Variants in PLXNA4 observed in about 807,000 individuals in gnomAD.
The protein encoded by PLXNA4 is plexin A4.
In PLXNA4, 44 loss-of-function variants were observed where a neutral mutation model predicts 191.8. The ratio of observed to expected loss-of-function variants is 0.23; its 90% confidence interval spans 0.18 to 0.29. The LOEUF is 0.29. PLXNA4 is among the 10% of genes least tolerant of loss of function. PLXNA4 has a pLI of 1.00. For missense variants in PLXNA4, 1,800 were observed against 2,488.8 expected (o/e 0.72, Z 5.89); for synonymous variants, 1,082 against 1,009.5 (o/e 1.07, Z -1.36).
At chr7:132,497,282 A>G (rs947229464) in intron 2 of PLXNA4, among the ~76,000 whole-genome samples, 1 of 152,242 alleles carries the variant, frequency 6.6e-6, no homozygotes, top group Non-Finnish European at 1.5e-5. Context: ...TGCAGGCTCC[A>G]GTTGTAAAGC....
At chr7:132,642,545 C>A (rs917395783) in intron 2 of PLXNA4, among the ~76,000 whole-genome samples, 1 of 151,794 alleles carries the variant, frequency 6.6e-6, no homozygotes, top group African/African-American at 2.4e-5. Flanking sequence ...GAGAGAGAAA[C>A]TAGGGAGGAG....
chr7:132,186,657 A>C (rs1796887553), intron 15 of PLXNA4, among the ~76,000 whole-genome samples: 1 of 152,226 alleles, frequency 6.6e-6, no homozygotes. Context: ...AAAATTTCTG[A>C]CATAGAAAAA....
chr7:132,543,860 T>C (rs1800182645), intron 1 of PLXNA4, among the ~76,000 whole-genome samples: 1 of 152,198 alleles, frequency 6.6e-6, no homozygotes, highest in Non-Finnish European at 1.5e-5. Context: ...GAGAGTTGAC[T>C]CCTTTTATCA....
chr7:132,148,745 G>A, intron 25 of PLXNA4, 99 bp from the exon 26 acceptor site: 2 of 1,539,400 alleles, frequency 1.3e-6, no homozygotes, highest in Non-Finnish European at 1.8e-6. Context: ...TAGCTCAAGG[G>A]TGTGTCCATT....
chr7:132,630,146 G>T (rs772663463), intron 2 of PLXNA4, among the ~76,000 whole-genome samples: 2 of 152,178 alleles, frequency 1.3e-5, no homozygotes, highest in Middle Eastern at 3.4e-3. Context: ...CACCTCACCC[G>T]GCCTGGTGTC....
chr7:132,620,174 C>T (rs12707049), intron 2 of PLXNA4, among the ~76,000 whole-genome samples: 3 of 151,984 alleles, frequency 2.0e-5, no homozygotes, highest in African/African-American at 7.2e-5. Flanking sequence ...ACCTACCAGT[C>T]TTGAAAGACA....
chr7:132,507,839 C>T lies in PLXNA4; in HGVS notation c.855G>A (p.Lys285=), dbSNP rs1379562128. ...VYTSKLVRLC[K]EDTAFNSYVE... ...CATAGGAGTTGAAGGCTGTGTCCTCCTTGCAAAGCCTCACGAGCTTGGATG... is the reference window on the plus strand; with the variant it reads ...CATAGGAGTTGAAGGCTGTGTCCTCTTTGCAAAGCCTCACGAGCTTGGATG... The change falls in exon 2 of 32, where the codon AAG becomes AAA. Residue 285 remains lysine, a synonymous_variant. Coordinates refer to ENST00000321063, the MANE Select transcript of PLXNA4 (RefSeq NM_020911.2). The T allele has an allele frequency of 6.2e-7, 1 of 1,614,014 alleles. No individual in the cohort carries two copies. Among genetic ancestry groups the T allele is most frequent in the Non-Finnish European group, 8.5e-7 (1 of 1,180,030 alleles).
intron 4 of PLXNA4, chr7:132,271,248 T>C (rs373301889): frequency 1.3e-5 from 2 of 152,060 alleles, no homozygotes; most frequent in Non-Finnish European, 2.9e-5. Context: ...GAAAGAGAAA[T>C]AAAATGTTAT....
chr7:132,203,456 G>T, intron 10 of PLXNA4, 37 bp from the exon 11 acceptor site: 2 of 1,583,100 alleles, frequency 1.3e-6, no homozygotes, highest in Non-Finnish European at 1.7e-6. Context: ...GAAGAAAGTG[G>T]GGTCACAGAG....
At chr7:132,469,082 T>A (rs1262209376) in intron 3 of PLXNA4, among the ~76,000 whole-genome samples, 2 of 117,796 alleles carry the variant, frequency 1.7e-5, no homozygotes, top group African/African-American at 6.9e-5. Context: ...GGGTATCTCG[T>A]AGGGAAACTA....
chr7:132,186,801 T>A (rs1182070943), intron 15 of PLXNA4, among the ~76,000 whole-genome samples: 2 of 152,182 alleles, frequency 1.3e-5, no homozygotes, highest in Non-Finnish European at 2.9e-5. Context: ...GTAACAAAGA[T>A]GATAACAGCC....
intron 1 of PLXNA4, among the ~76,000 whole-genome samples, chr7:132,513,299 G>A (rs1447002484): frequency 6.6e-6 from 1 of 151,910 alleles, no homozygotes; most frequent in Non-Finnish European, 1.5e-5. Flanking sequence ...TTACTTTAGA[G>A]TTTACAAAGT....
intron 2 of PLXNA4, among the ~76,000 whole-genome samples, chr7:132,617,290 G>A (rs1158963001): frequency 6.6e-6 from 1 of 152,148 alleles, no homozygotes; most frequent in Non-Finnish European, 1.5e-5. Context: ...TGGTTTGAGG[G>A]ATGGGGTCAG....
intron 4 of PLXNA4, among the ~76,000 whole-genome samples, chr7:132,276,948 G>A (rs1219069592): frequency 1.3e-5 from 2 of 152,018 alleles, no homozygotes; most frequent in Non-Finnish European, 2.9e-5. Flanking sequence ...GCCCCTAGAT[G>A]GATTCATCGT....
chr7:132,349,157 T>A (rs979326774), intron 3 of PLXNA4, among the ~76,000 whole-genome samples: 9 of 151,990 alleles, frequency 5.9e-5, no homozygotes, highest in South Asian at 2.1e-4. Flanking sequence ...AGATTTTTTT[T>A]AAATAAATAA....
rs1794759466 is a variant in PLXNA4, at chr7:132,126,003, G to A, written c.*4476C>T. Reference sequence around the variant, plus strand: ...CCCTCACTGCTTGGCTGTCTGTGAGGTGGGAGGTTTGTCCTTGACTGATAA... The same window carrying A: ...CCCTCACTGCTTGGCTGTCTGTGAGATGGGAGGTTTGTCCTTGACTGATAA... On this transcript the variant is annotated 3_prime_UTR_variant, in exon 32 of 32. Coordinates refer to ENST00000321063, the MANE Select transcript of PLXNA4 (RefSeq NM_020911.2). 1 of 152,324 alleles carries A rather than the reference G, an allele frequency of 6.6e-6. No individual in the cohort carries two copies. Among genetic ancestry groups the A allele is most frequent in the Admixed American group, 6.5e-5 (1 of 15,284 alleles). The allele number at this position is 152,324 out of a possible 1,614,324, so 9.4% of individuals were successfully genotyped here. A position where few individuals can be genotyped will look rare whatever the true frequency, so the allele number is the denominator to read the frequency against.
chr7:132,530,448 TA>T (rs1396900332), intron 1 of PLXNA4, among the ~76,000 whole-genome samples: 2 of 152,162 alleles, frequency 1.3e-5, no homozygotes, highest in Non-Finnish European at 2.9e-5. Flanking sequence ...GCAAATGACT[TA>T]AAGAGATGTT....
chr7:132,425,989 A>G (rs1795028980), intron 3 of PLXNA4, among the ~76,000 whole-genome samples: 1 of 152,198 alleles, frequency 6.6e-6, no homozygotes, highest in African/African-American at 2.4e-5. Context: ...AACTCTTCAT[A>G]AAGTGCAGGC....
chr7:132,230,976 G>A (rs185469798), intron 5 of PLXNA4, among the ~76,000 whole-genome samples: 119 of 152,262 alleles, frequency 7.8e-4, no homozygotes, highest in Non-Finnish European at 1.4e-3. Context: ...GTGTTTGCTC[G>A]GGGGATCTCA....
Sources: gnomAD v4.1 joint callset for allele counts (sites outside exome capture counted in the v4.1 genomes callset) on GRCh38, gnomAD v4.1.1 for gene constraint, MANE v1.5 for transcripts, NCBI Gene and HGNC (gene_info 2026-07-23, HGNC 2026-07-21) for gene names.